UBAP1: variants seen among roughly 807,000 people sequenced by gnomAD.
UBAP1 encodes ubiquitin associated protein 1.
In UBAP1, 5 loss-of-function variants were observed where a neutral mutation model predicts 39.0. The ratio of observed to expected loss-of-function variants is 0.13; its 90% CI spans 0.07 to 0.27. The LOEUF is 0.27. Among genes scored for constraint, UBAP1 ranks in the 10% least tolerant of loss-of-function variants. UBAP1 has a pLI of 1.00. For missense variants in UBAP1, 490 were observed against 608.1 expected (o/e 0.81, Z 2.04); for synonymous variants, 211 against 225.1 (o/e 0.94, Z 0.56).
chr9:34,251,785 G>A lies in UBAP1; in HGVS notation c.*253G>A, dbSNP rs1027747618. The A allele has an allele frequency of 9.0e-6, 4 of 442,736 alleles. No homozygotes were observed. The highest frequency in any genetic ancestry group is 7.1e-5 in the East Asian group (2 of 28,248). 27.4% of individuals were successfully genotyped at this position (442,736 alleles called of 1,614,324 possible). On this transcript the variant is annotated 3_prime_UTR_variant, in exon 7 of 7. Transcript: ENST00000297661. Reference sequence around the variant, plus strand: ...TAAACGCATTTGCATTTTGAGAAGTGTCCTTCCCACTTCAGCCCTCCGGAG... The same window carrying A: ...TAAACGCATTTGCATTTTGAGAAGTATCCTTCCCACTTCAGCCCTCCGGAG...
At chr9:34,218,840 G>A (rs1036758320) in intron 1 of UBAP1, among the ~76,000 whole-genome samples, 1 of 152,154 alleles carries the variant, frequency 6.6e-6, no homozygotes. Context: ...GGGAAGCTGA[G>A]GCATGAGAAT....
At chr9:34,208,257 T>C (rs1214467131) in intron 1 of UBAP1, among the ~76,000 whole-genome samples, 2 of 152,246 alleles carry the variant, frequency 1.3e-5, no homozygotes, top group Non-Finnish European at 2.9e-5. Flanking sequence ...TCTGTATTTA[T>C]ATATTCAATT....
At chr9:34,191,047 A>G (rs1431135430) in intron 1 of UBAP1, among the ~76,000 whole-genome samples, 1 of 152,088 alleles carries the variant, frequency 6.6e-6, no homozygotes, top group African/African-American at 2.4e-5. Flanking sequence ...AATTATGTTT[A>G]GGTGCAGTTC....
rs1834445436 is a variant in UBAP1, at chr9:34,250,670, C to G, written c.1279C>G (p.Leu427Val). The change falls in exon 6 of 7, where the codon CTC (leucine) becomes GTC (valine). Residue 427 changes from leucine to valine, a missense_variant. By Grantham distance (32) the Leu-to-Val change is conservative. Around this residue, in one of 3 missense-constraint regions of UBAP1, gnomAD observed 339 missense variants for 390.0 expected, o/e 0.87. Coordinates refer to ENST00000297661, the MANE Select transcript of UBAP1 (RefSeq NM_016525.5). ...GENIEQILDY[L>V]FAHGQLCEKG... is the part of the protein sequence containing the mutation. ...TTTCTTTTCTTAGATTCTCGACTAT[C>G]TCTTTGCACATGGACAGCTTTGTGA... The G allele has an allele frequency of 6.2e-7, 1 of 1,613,210 alleles. No individual in the cohort carries two copies. The highest frequency in any genetic ancestry group is 8.5e-7 in the Non-Finnish European group (1 of 1,179,408).
At chr9:34,184,166 G>A (rs1403828016) in intron 1 of UBAP1, among the ~76,000 whole-genome samples, 1 of 152,062 alleles carries the variant, frequency 6.6e-6, no homozygotes, top group Non-Finnish European at 1.5e-5. Flanking sequence ...TGTAACATTA[G>A]AAAATAACTT....
At chr9:34,198,101 C>T (rs1412079353) in intron 1 of UBAP1, among the ~76,000 whole-genome samples, 2 of 152,004 alleles carry the variant, frequency 1.3e-5, no homozygotes, top group Non-Finnish European at 2.9e-5. Flanking sequence ...GGGTCTGAGG[C>T]CAGTGCAGGT....
intron 2 of UBAP1, among the ~76,000 whole-genome samples, chr9:34,221,707 C>T (rs776941705): frequency 8.6e-5 from 13 of 152,016 alleles, no homozygotes; most frequent in Non-Finnish European, 1.6e-4. Context: ...CACTATATTA[C>T]AGAGGTATCA....
chr9:34,229,049 A>G (rs992774399), intron 2 of UBAP1, among the ~76,000 whole-genome samples: 1 of 152,136 alleles, frequency 6.6e-6, no homozygotes, highest in African/African-American at 2.4e-5. Context: ...TTTATTAGTG[A>G]AAGGAAACTG....
intron 1 of UBAP1, among the ~76,000 whole-genome samples, chr9:34,198,512 G>A (rs974803680): frequency 6.6e-6 from 1 of 152,204 alleles, no homozygotes; most frequent in Non-Finnish European, 1.5e-5. Flanking sequence ...ACTGGCACAG[G>A]ACCCAAGCCA....
intron 2 of UBAP1, among the ~76,000 whole-genome samples, chr9:34,225,314 A>G (rs934937125): frequency 1.3e-5 from 2 of 152,156 alleles, no homozygotes; most frequent in African/African-American, 4.8e-5. Context: ...ATTTTCAACT[A>G]AAGTTGAACA....
chr9:34,237,551 C>CT (rs748223095), intron 3 of UBAP1, among the ~76,000 whole-genome samples: 14 of 151,744 alleles, frequency 9.2e-5, no homozygotes, highest in Non-Finnish European at 1.3e-4. Context: ...TGAAATTTAC[C>CT]TTTTTTTAAA....
rs942664738 is a variant in UBAP1 at position 34,248,906 on chromosome 9, C to T, written c.1084-873C>T. Among the ~76,000 whole-genome samples the T allele has an allele frequency of 3.9e-5, 6 of 152,356 alleles. No homozygotes were observed. The South Asian group carries it at 1.2e-3, about 32-fold the overall frequency. On this transcript the variant is annotated intron_variant, in intron 4 of 6. Transcript: ENST00000297661. Reference sequence around the variant, plus strand: ...CGCCAAGCTGTAAAAGGGCTTGTGACCTCGTTCCTGTGGTCAGTGGGTCCT... The same window carrying T: ...CGCCAAGCTGTAAAAGGGCTTGTGATCTCGTTCCTGTGGTCAGTGGGTCCT...
At chr9:34,182,696 T>TCTC (rs746595695) in intron 1 of UBAP1, among the ~76,000 whole-genome samples, 3 of 130,624 alleles carry the variant, frequency 2.3e-5, no homozygotes, top group Non-Finnish European at 3.4e-5. Context: ...TCTCTCTTTC[T>TCTC]TTTCTTTTCT....
At chr9:34,195,146 T>TG (rs1830952866) in intron 1 of UBAP1, among the ~76,000 whole-genome samples, 1 of 152,086 alleles carries the variant, frequency 6.6e-6, no homozygotes, top group Non-Finnish European at 1.5e-5. Context: ...TAAGTTTTTT[T>TG]TTTTTTCTCT....
In UBAP1 at chr9:34,252,090, TG is replaced by T. The variant is rs1391977195; in HGVS notation, c.*562del. Reference sequence around the variant, plus strand: ...GGTGCAAAGAATGCACTTTTCCCTATGGGGCCCAGAGTTTGCCTTTTCTGCC... The same window carrying T: ...GGTGCAAAGAATGCACTTTTCCCTATGGGCCCAGAGTTTGCCTTTTCTGCC... On this transcript the variant is annotated 3_prime_UTR_variant, in exon 7 of 7. Coordinates refer to ENST00000297661, the MANE Select transcript of UBAP1 (RefSeq NM_016525.5). 6.5e-6 allele frequency: 1 copy of T among 152,828 alleles called. No individual in the cohort carries two copies. Among genetic ancestry groups the T allele is most frequent in the Non-Finnish European group, 1.5e-5 (1 of 68,180 alleles). The allele number at this position is 152,828 out of a possible 1,614,324, so 9.5% of individuals were successfully genotyped here. A position where few individuals can be genotyped will look rare whatever the true frequency, so the allele number is the denominator to read the frequency against.
intron 3 of UBAP1, 133 bp from the exon 4 acceptor site, chr9:34,241,052 T>G (rs1380770616): frequency 3.5e-6 from 2 of 572,694 alleles, no homozygotes; most frequent in Non-Finnish European, 5.7e-6. Context: ...TAAGTGGGGA[T>G]CATCCCACAC....
chr9:34,220,993 G>A, intron 2 of UBAP1, 45 bp downstream of exon 2: 1 of 1,567,742 alleles, frequency 6.4e-7, no homozygotes, highest in Non-Finnish European at 8.8e-7. Context: ...GATTTGATCA[G>A]AGGATTTGGA....
Position 34,252,384 on chromosome 9 carries a change from T to C in UBAP1, c.*852T>C, listed in dbSNP as rs147167166. On this transcript the variant is annotated 3_prime_UTR_variant, in exon 7 of 7. Transcript: ENST00000297661. Reference sequence around the variant, plus strand: ...AATAACACCTAGTCATAGAAATCAGTCTCTCTGGTTTGTTTTGTATTATGT... The same window carrying C: ...AATAACACCTAGTCATAGAAATCAGCCTCTCTGGTTTGTTTTGTATTATGT... 6.5e-6 allele frequency: 1 copy of C among 152,726 alleles called. No individual in the cohort carries two copies. The highest frequency in any genetic ancestry group is 1.9e-4 in the East Asian group (1 of 5,180). 9.5% of individuals were successfully genotyped at this position (152,726 alleles called of 1,614,324 possible). A position where few individuals can be genotyped will look rare whatever the true frequency, so the allele number is the denominator to read the frequency against.
At chr9:34,207,399 A>G (rs2131548227) in intron 1 of UBAP1, among the ~76,000 whole-genome samples, 1 of 151,152 alleles carries the variant, frequency 6.6e-6, no homozygotes, top group East Asian at 1.9e-4. Context: ...AATTAAAAAA[A>G]AAAAAAAAGA....
Sources: allele counts gnomAD v4.1 joint callset (sites outside exome capture counted in the v4.1 genomes callset), GRCh38; gene constraint gnomAD v4.1.1; regional missense constraint gnomAD v4.1.1; transcripts MANE v1.5; gene names NCBI Gene and HGNC (gene_info 2026-07-23, HGNC 2026-07-21).